Variants in PAPOLG observed in about 807,000 individuals in gnomAD.
PAPOLG encodes the protein poly(A) polymerase gamma.
In PAPOLG, 40 loss-of-function variants were observed where a neutral mutation model predicts 99.0. The observed-to-expected ratio is 0.40, with a 90% CI of 0.31 to 0.53. PAPOLG has a LOEUF of 0.53. Ranked by LOEUF, PAPOLG falls within the 20% of genes least tolerant of loss-of-function variation. PAPOLG has a pLI of 0.41. For synonymous variants in PAPOLG, 310 were observed against 299.3 expected (o/e 1.04, Z -0.37); for missense variants, 675 against 884.1 (o/e 0.76, Z 3.00).
At chr2:60,766,207 A>G (rs760554846) in intron 3 of PAPOLG, among the ~76,000 whole-genome samples, 3 of 152,354 alleles carry the variant, frequency 2.0e-5, no homozygotes, top group Middle Eastern at 3.4e-3. Context: ...ATGAAATATG[A>G]TTTTACATGC....
At chr2:60,789,311 A>G (rs989172411) in intron 15 of PAPOLG, among the ~76,000 whole-genome samples, 2 of 152,008 alleles carry the variant, frequency 1.3e-5, no homozygotes, top group East Asian at 1.9e-4. Flanking sequence ...CATGTACCCT[A>G]AAACTTAAAA....
intron 2 of PAPOLG, 58 bp downstream of exon 2, chr2:60,760,353 C>A: frequency 2.7e-6 from 4 of 1,471,272 alleles, no homozygotes; most frequent in Non-Finnish European, 3.8e-6. Context: ...ATTAATTCTG[C>A]GAACATATTG....
chr2:60,794,404 T>C (rs1671635899), intron 19 of PAPOLG: 1 of 615,660 alleles, frequency 1.6e-6, no homozygotes, highest in African/African-American at 1.9e-5. Context: ...TTCTCCTTGA[T>C]TTACAGAAGT....
chr2:60,785,914 G>T (rs13028000), intron 13 of PAPOLG, among the ~76,000 whole-genome samples: 1 of 151,724 alleles, frequency 6.6e-6, no homozygotes, highest in South Asian at 2.1e-4. Context: ...TTTTGTTCAT[G>T]CCCTAAGCCA....
rs577884114 is a variant in PAPOLG at position 60,780,612 on chromosome 2, C to G, written c.834-95C>G. ...TAATACCAAATACCCAGAACATTCA[C>G]TCTGTAGAAGGTTAGAACAATCTAA... On this transcript the variant is annotated intron_variant, in intron 9 of 21. Coordinates refer to ENST00000238714, the MANE Select transcript of PAPOLG (RefSeq NM_022894.4). 39 of 1,286,742 alleles carry G rather than the reference C, an allele frequency of 3.0e-5. No homozygotes were observed. The East Asian group carries it at 3.1e-4, about 10-fold the overall frequency. The allele number at this position is 1,286,742 out of a possible 1,614,324, so 79.7% of individuals were successfully genotyped here. A position where few individuals can be genotyped will look rare whatever the true frequency, so the allele number is the denominator to read the frequency against.
At chr2:60,787,447 T>G in intron 14 of PAPOLG, 64 bp from the exon 15 acceptor site, 1 of 1,512,402 alleles carries the variant, frequency 6.6e-7, no homozygotes, top group South Asian at 1.3e-5. Flanking sequence ...AATTATGAAA[T>G]AGCATCTGTA....
At chr2:60,782,087 T>C (rs1181330850) in intron 11 of PAPOLG, 82 bp downstream of exon 11, 3 of 1,411,956 alleles carry the variant, frequency 2.1e-6, no homozygotes, top group Admixed American at 3.4e-5. Flanking sequence ...AGCTATGGAT[T>C]GGCAGTTAGA....
intron 3 of PAPOLG, among the ~76,000 whole-genome samples, chr2:60,766,726 T>TGAAC (rs1209944602): frequency 6.8e-6 from 1 of 147,540 alleles, no homozygotes; most frequent in Non-Finnish European, 1.5e-5. Context: ...CCAGAAAGAA[T>TGAAC]GGGCAAGCAC....
intron 13 of PAPOLG, among the ~76,000 whole-genome samples, chr2:60,783,970 C>T (rs78860544): frequency 7.2e-5 from 11 of 152,008 alleles, no homozygotes; most frequent in South Asian, 6.2e-4. Context: ...TTTCTCTTTT[C>T]TTTGTTTTTA....
At chr2:60,765,130 A>C (rs948723689) in intron 3 of PAPOLG, among the ~76,000 whole-genome samples, 1 of 152,048 alleles carries the variant, frequency 6.6e-6, no homozygotes, top group East Asian at 1.9e-4. Flanking sequence ...AGTGGCATGC[A>C]TAATCATGGC....
chr2:60,765,990 A>T (rs966737689), intron 3 of PAPOLG, among the ~76,000 whole-genome samples: 3 of 152,110 alleles, frequency 2.0e-5, no homozygotes, highest in Non-Finnish European at 4.4e-5. Flanking sequence ...TCTAGCTATA[A>T]AATTATTTGT....
rs770973144 is a variant in PAPOLG, at chr2:60,781,930, G to A, written c.952G>A (p.Ala318Thr). The change falls in exon 11 of 22, where the codon GCC becomes ACC. Residue 318 changes from alanine (A) to threonine (T), a missense_variant. Coordinates refer to ENST00000238714, the MANE Select transcript of PAPOLG (RefSeq NM_022894.4). ...TCATCTCATGCCCATAATCACCCCT[G>A]CCTACCCACAACAGAATTCTACGTA... ...RYHLMPIITP[A>T]YPQQNSTYNV... 1 of 1,613,788 alleles carries A rather than the reference G, an allele frequency of 6.2e-7. No homozygotes were observed. The highest frequency in any genetic ancestry group is 8.5e-7 in the Non-Finnish European group (1 of 1,179,786).
intron 8 of PAPOLG, among the ~76,000 whole-genome samples, chr2:60,778,310 CTAATT>C (rs1671083470): frequency 1.6e-5 from 2 of 128,522 alleles, no homozygotes; most frequent in Non-Finnish European, 3.5e-5. Flanking sequence ...CTACACCCGG[CTAATT>C]TTATTTTATT....
chr2:60,775,096 C>G lies in PAPOLG; in HGVS notation c.667C>G (p.Leu223Val), dbSNP rs759353921. 9.9e-6 allele frequency: 16 copies of G among 1,612,188 alleles called. No individual in the cohort carries two copies. The highest frequency in any genetic ancestry group is 1.4e-5 in the Non-Finnish European group (16 of 1,179,530). ...VPNKETFRLT[L>V]RAVKLWAKRR... is the part of the protein sequence containing the mutation. The stretch of plus-strand genomic sequence containing the variant: ...AAATAAAGAAACTTTTAGACTCACC[C>G]TAAGAGCTGTCAAATTATGGGCAAA... Residue 223 changes from leucine (L) to valine (V), a missense_variant, in exon 8 of 22, where the codon CTA becomes GTA. Around this residue, in one of 3 missense-constraint regions of PAPOLG, gnomAD observed 113 missense variants for 231.5 expected, o/e 0.49. Coordinates refer to ENST00000238714, the MANE Select transcript of PAPOLG (RefSeq NM_022894.4).
At chr2:60,796,219 TTTTTTTTTTTTTTTTG>T (rs1671692582) in intron 21 of PAPOLG, among the ~76,000 whole-genome samples, 1 of 109,314 alleles carries the variant, frequency 9.1e-6, no homozygotes, top group Non-Finnish European at 2.0e-5. Flanking sequence ...TTTTTTTTTT[TTTTTTTTTTTTTTTTG>T]GACATGGAGG....
chr2:60,796,253 T>A (rs1275223001), intron 21 of PAPOLG, among the ~76,000 whole-genome samples: 1 of 143,550 alleles, frequency 7.0e-6, no homozygotes, highest in East Asian at 2.1e-4. Context: ...AGGCTCGCTC[T>A]GTAGCCCAGG....
chr2:60,786,784 C>A, intron 13 of PAPOLG, 163 bp from the exon 14 acceptor site: 1 of 328,582 alleles, frequency 3.0e-6, no homozygotes, highest in Non-Finnish European at 4.4e-6. Flanking sequence ...CCCACTCTTG[C>A]CTCCCAAAGT....
At position 60,781,963 on chromosome 2, in the gene PAPOLG, T is replaced by G; in HGVS notation, c.985T>G (p.Ser329Ala). Residue 329 changes from serine to alanine, a missense_variant, in exon 11 of 22, where the codon TCC becomes GCC. By Grantham distance (99) the Ser-to-Ala change is moderately conservative (BLOSUM62 1). This residue lies in a region of PAPOLG where 113 missense variants were observed against 231.5 expected (regional missense o/e 0.49). Transcript: ENST00000238714. The stretch of plus-strand genomic sequence containing the variant: ...ACAACAGAATTCTACGTATAATGTG[T>G]CCACATCAACTCGAACAGTAATGGT... The part of the protein sequence containing the change: ...YPQQNSTYNV[S>A]TSTRTVMVEE... 6.2e-7 allele frequency: 1 copy of G among 1,613,996 alleles called. No homozygotes were observed. Among genetic ancestry groups the G allele is most frequent in the Non-Finnish European group, 8.5e-7 (1 of 1,179,878 alleles).
intron 19 of PAPOLG, 40 bp from the exon 20 acceptor site, chr2:60,794,670 A>G: frequency 6.5e-7 from 1 of 1,530,598 alleles, no homozygotes; most frequent in Non-Finnish European, 9.0e-7. Flanking sequence ...GGGTTTTTGT[A>G]GGTACATAAT....
Sources: allele counts gnomAD v4.1 joint callset (sites outside exome capture counted in the v4.1 genomes callset), GRCh38; gene constraint gnomAD v4.1.1; regional missense constraint gnomAD v4.1.1; transcripts MANE v1.5; gene names NCBI Gene and HGNC (gene_info 2026-07-23, HGNC 2026-07-21).